FMN1: variants seen among roughly 807,000 people sequenced by gnomAD.
FMN1 encodes formin-1.
In FMN1, 110 loss-of-function variants were observed where a neutral mutation model predicts 132.4. The observed-to-expected ratio is 0.83, with a 90% CI of 0.71 to 0.97. The LOEUF (loss-of-function observed/expected upper bound fraction) is 0.97, where lower values mean the gene tolerates loss of function less well. Ranked by LOEUF, FMN1 falls within the 50% of genes least tolerant of loss-of-function variation. FMN1 has a pLI of 0.00. For missense variants in FMN1, 1,792 were observed against 1,705.3 expected, an observed-to-expected ratio of 1.05 and a Z score of -0.90; for synonymous variants, 722 against 651.7, an observed-to-expected ratio of 1.11 and a Z score of -1.64.
chr15:32,905,783 G>A (rs1236083508), intron 12 of FMN1, among the ~76,000 whole-genome samples: 4 of 152,170 alleles, frequency 2.6e-5, no homozygotes, highest in African/African-American at 9.7e-5. Flanking sequence ...CGACTCACTT[G>A]GAGTTAATGG....
chr15:32,831,441 T>C (rs146077206), intron 17 of FMN1, among the ~76,000 whole-genome samples: 46 of 152,260 alleles, frequency 3.0e-4, no homozygotes, highest in African/African-American at 1.1e-3. Context: ...AGGTGGGGCT[T>C]GATGGCAGTT....
At chr15:33,104,510 G>A (rs997303732) in intron 4 of FMN1, among the ~76,000 whole-genome samples, 1 of 152,028 alleles carries the variant, frequency 6.6e-6, no homozygotes, top group African/African-American at 2.4e-5. Context: ...CTGGTATGTG[G>A]TTGGGGAAAA....
chr15:32,963,912 A>G (rs1279006873), intron 9 of FMN1, among the ~76,000 whole-genome samples, 195 bp downstream of exon 9: 1 of 149,744 alleles, frequency 6.7e-6, no homozygotes, highest in Non-Finnish European at 1.5e-5. Context: ...CATGTAATGA[A>G]TTCCTATGAA....
intron 4 of FMN1, among the ~76,000 whole-genome samples, chr15:33,113,110 C>T (rs1023976772): frequency 3.3e-5 from 5 of 152,220 alleles, no homozygotes; most frequent in African/African-American, 1.2e-4. Flanking sequence ...ATCTACCTCT[C>T]AATATGCTGT....
At chr15:32,830,473 T>C (rs2058473273) in intron 17 of FMN1, among the ~76,000 whole-genome samples, 1 of 152,224 alleles carries the variant, frequency 6.6e-6, no homozygotes, top group South Asian at 2.1e-4. Flanking sequence ...TTTGCTTTTA[T>C]GAAGGAATTC....
At chr15:32,863,365 C>T (rs546937757) in intron 16 of FMN1, among the ~76,000 whole-genome samples, 27 of 152,188 alleles carry the variant, frequency 1.8e-4, no homozygotes, top group African/African-American at 4.6e-4. Flanking sequence ...ACCCGGGAGG[C>T]GGAGCTTGCA....
chr15:32,910,288 T>C (rs1567374813), intron 11 of FMN1, among the ~76,000 whole-genome samples, 186 bp downstream of exon 11: 2 of 152,220 alleles, frequency 1.3e-5, no homozygotes, highest in African/African-American at 4.8e-5. Flanking sequence ...CTAGCCCAGA[T>C]ACCACAGTGG....
chr15:32,846,974 A>G (rs1297879225), intron 17 of FMN1, among the ~76,000 whole-genome samples: 3 of 152,334 alleles, frequency 2.0e-5, no homozygotes, highest in East Asian at 3.9e-4. Flanking sequence ...CATAGAAAGA[A>G]AGAGCCTGAC....
chr15:32,807,998 A>C (rs915147236), intron 17 of FMN1, among the ~76,000 whole-genome samples: 5 of 152,200 alleles, frequency 3.3e-5, no homozygotes, highest in Non-Finnish European at 5.9e-5. Flanking sequence ...GCAAAACACA[A>C]ATACATGACC....
intron 19 of FMN1, among the ~76,000 whole-genome samples, chr15:32,778,204 A>ATTATATATTATATAATACATTT (rs2056549308): frequency 8.3e-5 from 11 of 132,604 alleles, no homozygotes; most frequent in South Asian, 2.4e-4. Flanking sequence ...TAATACATTT[A>ATTATATATTATATAATACATTT]TTTATATATT....
In FMN1 at chr15:32,881,911, G is replaced by A. The variant is rs76067575; in HGVS notation, c.3835+6261C>T. 3.0e-3 allele frequency among the ~76,000 whole-genome samples: 452 copies of A among 152,260 alleles called. 2 individuals carry two copies. Among genetic ancestry groups the A allele is most frequent in the African/African-American group, 1.0e-2 (414 of 41,548 alleles). On this transcript the variant is annotated intron_variant, in intron 16 of 20. Transcript: ENST00000616417. ...AAAACCTTGCAGGTTGCCCAGGGAT[G>A]GCCCTTTAGTCCTCTGCTATTAGTT...
chr15:33,084,944 T>A (rs2038630445), intron 5 of FMN1, among the ~76,000 whole-genome samples: 2 of 152,182 alleles, frequency 1.3e-5, no homozygotes, highest in Admixed American at 6.5e-5. Flanking sequence ...AAAGTTAACA[T>A]CCTGATTGTG....
intron 6 of FMN1, among the ~76,000 whole-genome samples, chr15:33,029,083 A>G (rs1387615499): frequency 6.6e-6 from 1 of 152,116 alleles, no homozygotes; most frequent in South Asian, 2.1e-4. Context: ...CACTTAAATA[A>G]TACCATAAAA....
chr15:33,091,361 G>A (rs528692329), intron 4 of FMN1, among the ~76,000 whole-genome samples: 20 of 152,302 alleles, frequency 1.3e-4, no homozygotes, highest in African/African-American at 4.1e-4. Context: ...ATGAGGTGAG[G>A]TGTGCAATCC....
chr15:32,835,133 A>G (rs1419727790), intron 17 of FMN1, among the ~76,000 whole-genome samples: 1 of 152,130 alleles, frequency 6.6e-6, no homozygotes, highest in African/African-American at 2.4e-5. Flanking sequence ...GAGCAGGCCC[A>G]TGAGGAAGAG....
intron 10 of FMN1, among the ~76,000 whole-genome samples, chr15:32,914,355 G>A (rs2060633220): frequency 6.6e-6 from 1 of 152,258 alleles, no homozygotes; most frequent in Non-Finnish European, 1.5e-5. Flanking sequence ...ACGTAAACTG[G>A]AAGGATACAA....
chr15:33,074,402 T>G lies in FMN1; in HGVS notation c.2044-9328A>C, dbSNP rs904484953. Reference sequence around the variant, plus strand: ...AATGCAACGCTTACAACAGCCTCTCTGGGTCATCCCATCAAAAGCCTGCAG... The same window carrying G: ...AATGCAACGCTTACAACAGCCTCTCGGGGTCATCCCATCAAAAGCCTGCAG... On this transcript the variant is annotated intron_variant, in intron 5 of 20. Transcript: ENST00000616417. Among the ~76,000 whole-genome samples, 4 of 152,222 alleles carry G rather than the reference T, an allele frequency of 2.6e-5. No homozygotes were observed. The East Asian group carries it at 7.7e-4, about 29-fold the overall frequency.
At chr15:33,115,410 T>C (rs1178429690) in intron 4 of FMN1, among the ~76,000 whole-genome samples, 1 of 152,000 alleles carries the variant, frequency 6.6e-6, no homozygotes, top group Non-Finnish European at 1.5e-5. Flanking sequence ...GGTATGTGGG[T>C]TGCTTATGAA....
At position 32,908,512 on chromosome 15, in the gene FMN1, T is replaced by C; in HGVS notation, c.3355A>G (p.Lys1119Glu). Residue 1119 changes from lysine to glutamate, a missense_variant, in exon 12 of 21, where the codon AAG (lysine) becomes GAG (glutamate). Lys to Glu is a moderately conservative substitution (Grantham distance 56). Around this residue, in one of 3 missense-constraint regions of FMN1, gnomAD observed 1,150 missense variants for 1,043.1 expected, o/e 1.10. Transcript: ENST00000616417. ...TACTGCTCAGGTTTATCCAGCAGCT[T>C]CAGTTCTTCTTCTTTGGATGTCTCG... ...YYETSKEEELKLLDKPEQFLH... is the reference protein window; with the variant it reads ...YYETSKEEELELLDKPEQFLH... The C allele has an allele frequency of 6.2e-7, 1 of 1,611,844 alleles. No individual in the cohort carries two copies. Among genetic ancestry groups the C allele is most frequent in the Non-Finnish European group, 8.5e-7 (1 of 1,178,380 alleles).
Sources: gnomAD v4.1 joint callset for allele counts (sites outside exome capture counted in the v4.1 genomes callset) on GRCh38, gnomAD v4.1.1 for gene constraint, gnomAD v4.1.1 regional missense constraint, MANE v1.5 for transcripts, NCBI Gene and HGNC (gene_info 2026-07-23, HGNC 2026-07-21) for gene names.